The following GALNT17 variants were observed in gnomAD, a reference collection of about 807,000 sequenced individuals.
GALNT17 encodes the protein polypeptide N-acetylgalactosaminyltransferase 17, also known as UDP-GalNAc:polypeptide N-acetylgalactosaminyltransferase-like 3.
In GALNT17, 29 loss-of-function variants were observed where a neutral mutation model predicts 63.7. The ratio of observed to expected loss-of-function variants is 0.46; its 90% CI spans 0.34 to 0.62. The LOEUF (loss-of-function observed/expected upper bound fraction) is 0.62, where lower values mean the gene tolerates loss of function less well. GALNT17 is among the 20% of genes least tolerant of loss of function. The pLI is 0.01. For synonymous variants in GALNT17, 305 were observed against 318.3 expected, an observed-to-expected ratio of 0.96 and a Z score of 0.45; for missense variants, 603 against 799.6, an observed-to-expected ratio of 0.75 and a Z score of 2.97.
chr7:71,550,658 A>G (rs1469246080), intron 5 of GALNT17, among the ~76,000 whole-genome samples: 1 of 152,166 alleles, frequency 6.6e-6, no homozygotes, highest in Non-Finnish European at 1.5e-5. Context: ...TGGTGGGATT[A>G]CAGACGTGAG....
At chr7:71,416,130 G>C in intron 4 of GALNT17, 67 bp downstream of exon 4, 1 of 1,524,338 alleles carries the variant, frequency 6.6e-7, no homozygotes, top group Non-Finnish European at 8.8e-7. Flanking sequence ...GCTGGAATCT[G>C]GGAGGTGGGA....
intron 1 of GALNT17, among the ~76,000 whole-genome samples, chr7:71,315,485 C>T (rs1791483835): frequency 6.6e-6 from 1 of 152,132 alleles, no homozygotes; most frequent in Non-Finnish European, 1.5e-5. Context: ...TTTACATTCC[C>T]ATCAACAATG....
chr7:71,593,188 A>T (rs1333758445), intron 6 of GALNT17, among the ~76,000 whole-genome samples: 1 of 148,802 alleles, frequency 6.7e-6, no homozygotes, highest in Admixed American at 6.7e-5. Context: ...ATAAATTTTT[A>T]AAAACAATTA....
intron 6 of GALNT17, among the ~76,000 whole-genome samples, chr7:71,619,424 G>A (rs1790261034): frequency 6.6e-6 from 1 of 152,192 alleles, no homozygotes; most frequent in Non-Finnish European, 1.5e-5. Context: ...TAATCCATGA[G>A]CATAGAATGC....
At chr7:71,261,283 G>A (rs1183501976) in intron 1 of GALNT17, among the ~76,000 whole-genome samples, 1 of 152,202 alleles carries the variant, frequency 6.6e-6, no homozygotes, top group East Asian at 1.9e-4. Context: ...GAGGGATTGA[G>A]CAAAGCCACT....
chr7:71,603,957 A>G (rs5014015), intron 6 of GALNT17, among the ~76,000 whole-genome samples: 4 of 116,986 alleles, frequency 3.4e-5, no homozygotes, highest in African/African-American at 5.7e-5. Flanking sequence ...GCATACAGTG[A>G]ATACCATGCT....
chr7:71,170,046 T>C (rs6961210), intron 1 of GALNT17, among the ~76,000 whole-genome samples: 47,991 of 151,846 alleles, frequency 0.32, 9,064 homozygotes, highest in African/African-American at 0.53. Context: ...AAGTGATCCT[T>C]TCACCTCATC....
At chr7:71,372,111 G>A (rs545037986) in intron 2 of GALNT17, among the ~76,000 whole-genome samples, 1 of 152,258 alleles carries the variant, frequency 6.6e-6, no homozygotes, top group South Asian at 2.1e-4. Flanking sequence ...TTCCTGATTA[G>A]CTAAGACTAC....
At chr7:71,459,693 G>A (rs189500443) in intron 5 of GALNT17, among the ~76,000 whole-genome samples, 2 of 146,452 alleles carry the variant, frequency 1.4e-5, no homozygotes, top group East Asian at 1.9e-4. Flanking sequence ...CATTCATTGT[G>A]GGGGGGAAAA....
rs573178190 is a variant in GALNT17, at chr7:71,285,571, T to C, written c.239-49979T>C. On this transcript the variant is annotated intron_variant, in intron 1 of 10. Coordinates refer to ENST00000333538, the MANE Select transcript of GALNT17 (RefSeq NM_022479.3). ...TGTTGAAATTGTAACCTCCACAGTG[T>C]GATGGTATTAGGGGGTTGGGCCTTT... Among the ~76,000 whole-genome samples the C allele has an allele frequency of 2.6e-5, 4 of 152,304 alleles. No homozygotes were observed. In the East Asian group the frequency reaches 7.7e-4, roughly 29 times the overall value.
At chr7:71,491,120 G>C (rs1396056351) in intron 5 of GALNT17, among the ~76,000 whole-genome samples, 1 of 152,228 alleles carries the variant, frequency 6.6e-6, no homozygotes, top group Non-Finnish European at 1.5e-5. Flanking sequence ...CTTGAACCCA[G>C]GAGGCAGAGG....
intron 5 of GALNT17, among the ~76,000 whole-genome samples, chr7:71,460,742 AG>A (rs1311983362): frequency 2.6e-5 from 4 of 152,174 alleles, no homozygotes; most frequent in African/African-American, 4.8e-5. Flanking sequence ...ACGCTAAACA[AG>A]GGGGTGGATC....
intron 9 of GALNT17, among the ~76,000 whole-genome samples, chr7:71,709,687 C>T (rs1451177276): frequency 6.6e-6 from 1 of 151,898 alleles, no homozygotes; most frequent in East Asian, 1.9e-4. Flanking sequence ...AACCTCCGCA[C>T]CCCCAGGTTC....
chr7:71,404,421 AG>A (rs1793292020), intron 3 of GALNT17, among the ~76,000 whole-genome samples: 1 of 152,208 alleles, frequency 6.6e-6, no homozygotes, highest in African/African-American at 2.4e-5. Flanking sequence ...ACACAGCAAA[AG>A]CTTCCCTCTT....
rs768474274 is a variant in GALNT17, at chr7:71,290,189, C to T, written c.239-45361C>T. Among the ~76,000 whole-genome samples, 12 of 152,188 alleles carry T rather than the reference C, an allele frequency of 7.9e-5. 1 individual carries two copies. Among genetic ancestry groups the T allele is most frequent in the Admixed American group, 5.2e-4 (8 of 15,268 alleles). On this transcript the variant is annotated intron_variant, in intron 1 of 10. Coordinates refer to ENST00000333538, the MANE Select transcript of GALNT17 (RefSeq NM_022479.3). The stretch of plus-strand genomic sequence containing the variant: ...ACATTATCATCACCCCAAAAAGAAA[C>T]CGTGTACCTATTAGCAGTCAAATAT...
At chr7:71,465,499 C>T (rs144489056) in intron 5 of GALNT17, among the ~76,000 whole-genome samples, 4 of 152,300 alleles carry the variant, frequency 2.6e-5, no homozygotes, top group South Asian at 2.1e-4. Flanking sequence ...TTGAGCAAGA[C>T]GTTGCCAAAT....
At chr7:71,484,117 A>C (rs1472548624) in intron 5 of GALNT17, among the ~76,000 whole-genome samples, 2 of 152,220 alleles carry the variant, frequency 1.3e-5, no homozygotes, top group African/African-American at 4.8e-5. Context: ...AAATAGAAGG[A>C]ACACACTCTA....
At chr7:71,576,567 T>TGTGTGTG (rs1562697675) in intron 6 of GALNT17, among the ~76,000 whole-genome samples, 26 of 71,992 alleles carry the variant, frequency 3.6e-4, no homozygotes, top group African/African-American at 1.0e-3. Context: ...GTGTGTGTGT[T>TGTGTGTG]TTGTTTGTTT....
chr7:71,342,472 T>C (rs10252095), intron 2 of GALNT17, among the ~76,000 whole-genome samples: 140,450 of 152,196 alleles, frequency 0.92, 64,788 homozygotes, highest in East Asian at 1. Flanking sequence ...GGCTGAGACA[T>C]GCATCCCAAC....
Sources: allele counts gnomAD v4.1 joint callset (sites outside exome capture counted in the v4.1 genomes callset), GRCh38; gene constraint gnomAD v4.1.1; transcripts MANE v1.5; gene names NCBI Gene and HGNC (gene_info 2026-07-23, HGNC 2026-07-21).